REEP3: variants seen among roughly 807,000 people sequenced by gnomAD.
The protein encoded by REEP3 is receptor accessory protein 3.
In REEP3, 20 loss-of-function variants were observed where a neutral mutation model predicts 41.3. That is an observed-to-expected ratio of 0.48 (90% CI 0.34 to 0.70). The LOEUF (loss-of-function observed/expected upper bound fraction) is 0.70. Among genes scored for constraint, REEP3 ranks in the 30% least tolerant of loss-of-function variants. The probability of loss-of-function intolerance (pLI) is 0.01; values close to 1 mark genes in which losing one functional copy is unlikely to be tolerated. For synonymous variants in REEP3, 104 were observed against 101.8 expected (o/e 1.02, Z -0.13); for missense variants, 271 against 308.8 (o/e 0.88, Z 0.92).
intron 5 of REEP3, among the ~76,000 whole-genome samples, chr10:63,607,487 G>A (rs1342558233): frequency 6.6e-6 from 1 of 152,192 alleles, no homozygotes; most frequent in Non-Finnish European, 1.5e-5. Context: ...TTGGTAGGTG[G>A]TGTAGTCTAT....
chr10:63,549,877 T>C (rs1406135878), intron 1 of REEP3, among the ~76,000 whole-genome samples: 1 of 152,012 alleles, frequency 6.6e-6, no homozygotes, highest in African/African-American at 2.4e-5. Context: ...GAAGTTGAAA[T>C]ACAAGAGGCA....
intron 1 of REEP3, among the ~76,000 whole-genome samples, chr10:63,548,167 G>T (rs1283872761): frequency 6.6e-6 from 1 of 152,182 alleles, no homozygotes; most frequent in Non-Finnish European, 1.5e-5. Context: ...GCTCCAATGA[G>T]CAATCAGCAC....
chr10:63,613,647 T>TA (rs1272595857), intron 6 of REEP3, among the ~76,000 whole-genome samples: 7 of 152,164 alleles, frequency 4.6e-5, no homozygotes, highest in Non-Finnish European at 5.9e-5. Context: ...ATTGTCTAGA[T>TA]AGACACAAAC....
At chr10:63,617,580 T>G (rs117630403) in intron 6 of REEP3, among the ~76,000 whole-genome samples, 2,941 of 152,022 alleles carry the variant, frequency 0.019, 42 homozygotes, top group Non-Finnish European at 0.031. Context: ...TTGTATTTTT[T>G]GTAGAGAAAA....
At chr10:63,530,844 T>C (rs923100829) in intron 1 of REEP3, among the ~76,000 whole-genome samples, 3 of 152,240 alleles carry the variant, frequency 2.0e-5, no homozygotes, top group African/African-American at 7.2e-5. Context: ...GATCATTTCA[T>C]GGAAAAAGGT....
In REEP3 at chr10:63,566,367, A is replaced by G; in HGVS notation, c.62A>G (p.Tyr21Cys). The part of the protein sequence containing the change: ...VLVFGMLYPA[Y>C]YSYKAVKTKN... ...GTGTTTGGAATGCTTTATCCTGCAT[A>G]TTATTCATACAAAGCTGTGAAAACA... The change falls in exon 2 of 8, where the codon TAT becomes TGT. Residue 21 changes from tyrosine to cysteine, a missense_variant. Coordinates refer to ENST00000373758, the MANE Select transcript of REEP3 (RefSeq NM_001001330.3). The G allele has an allele frequency of 6.4e-7, 1 of 1,553,726 alleles. No individual in the cohort carries two copies. The highest frequency in any genetic ancestry group is 8.7e-7 in the Non-Finnish European group (1 of 1,145,632).
chr10:63,599,107 C>G, intron 4 of REEP3, 63 bp from the exon 5 acceptor site: 1 of 747,292 alleles, frequency 1.3e-6, no homozygotes, highest in Non-Finnish European at 2.3e-6. Flanking sequence ...GGAGAATGTT[C>G]TAGTTTGGGG....
intron 1 of REEP3, among the ~76,000 whole-genome samples, chr10:63,544,780 A>G (rs551063693): frequency 6.6e-6 from 1 of 152,196 alleles, no homozygotes; most frequent in African/African-American, 2.4e-5. Flanking sequence ...AGTATGGATA[A>G]TATGTAGTAA....
At chr10:63,615,138 A>G (rs867113624) in intron 6 of REEP3, among the ~76,000 whole-genome samples, 4 of 152,192 alleles carry the variant, frequency 2.6e-5, no homozygotes, top group Non-Finnish European at 4.4e-5. Flanking sequence ...TTTTAAATGT[A>G]TATACATAAG....
In REEP3 at chr10:63,521,563, C is replaced by A; in HGVS notation, c.18C>A (p.Ile6=). The change falls in exon 1 of 8, where the codon ATC becomes ATA. Residue 6 remains isoleucine (I), a synonymous_variant. Transcript: ENST00000373758. ...CCGTGAAGATGGTGTCCTGGATGAT[C>A]TCCAGAGCCGTGGTGTAAGTGCCTC... MVSWM[I]SRAVVLVFGM... The A allele has an allele frequency of 7.0e-7, 1 of 1,425,312 alleles. No homozygotes were observed. The highest frequency in any genetic ancestry group is 9.3e-7 in the Non-Finnish European group (1 of 1,077,084). The allele number at this position is 1,425,312 out of a possible 1,614,324, so 88.3% of individuals were successfully genotyped here. A position where few individuals can be genotyped will look rare whatever the true frequency, so the allele number is the denominator to read the frequency against.
chr10:63,584,802 G>C (rs888587202), intron 2 of REEP3, among the ~76,000 whole-genome samples: 6 of 152,148 alleles, frequency 3.9e-5, no homozygotes, highest in Admixed American at 2.0e-4. Context: ...TGACTTGAGT[G>C]GGTAACAAGT....
Position 63,621,562 on chromosome 10 carries a change from C to G in REEP3, c.*693C>G, listed in dbSNP as rs1956353741. The G allele has an allele frequency of 6.6e-6, 1 of 152,566 alleles. No individual in the cohort carries two copies. The highest frequency in any genetic ancestry group is 2.4e-5 in the African/African-American group (1 of 41,446). 9.5% of individuals were successfully genotyped at this position (152,566 alleles called of 1,614,324 possible). A position where few individuals can be genotyped will look rare whatever the true frequency, so the allele number is the denominator to read the frequency against. ...AAATCTATGCCTTGAATTATATCAT[C>G]TCTTTTCCTGTGGGTTTCATTTGTT... On this transcript the variant is annotated 3_prime_UTR_variant, in exon 8 of 8. Transcript: ENST00000373758.
intron 1 of REEP3, among the ~76,000 whole-genome samples, chr10:63,550,612 C>G (rs1381296042): frequency 6.6e-6 from 1 of 152,096 alleles, no homozygotes; most frequent in African/African-American, 2.4e-5. Context: ...GTTGGCACTT[C>G]TGGTAAGGTA....
chr10:63,544,399 G>A (rs561590321), intron 1 of REEP3, among the ~76,000 whole-genome samples: 4 of 152,324 alleles, frequency 2.6e-5, no homozygotes, highest in African/African-American at 9.6e-5. Context: ...AGAAAGGTCA[G>A]AATTAAGGCT....
intron 2 of REEP3, among the ~76,000 whole-genome samples, chr10:63,582,709 G>C (rs962092694): frequency 6.6e-6 from 1 of 152,036 alleles, no homozygotes; most frequent in South Asian, 2.1e-4. Flanking sequence ...CTCCGTCAGT[G>C]AAGTGTCCCT....
chr10:63,555,163 T>A (rs2133364775), intron 1 of REEP3, among the ~76,000 whole-genome samples: 1 of 152,322 alleles, frequency 6.6e-6, no homozygotes, highest in East Asian at 1.9e-4. Flanking sequence ...ACATAAAGTC[T>A]TTCAAAGGAA....
chr10:63,565,045 G>A (rs183591027), intron 1 of REEP3, among the ~76,000 whole-genome samples: 2 of 152,186 alleles, frequency 1.3e-5, no homozygotes, highest in Admixed American at 6.5e-5. Context: ...ATCACTTGAG[G>A]TAAGGAGTTT....
intron 2 of REEP3, among the ~76,000 whole-genome samples, chr10:63,582,753 G>C (rs1442021498): frequency 6.6e-6 from 1 of 151,486 alleles, no homozygotes; most frequent in African/African-American, 2.4e-5. Flanking sequence ...ATAGCTTTCT[G>C]CAGCCTCTGT....
chr10:63,603,175 T>C (rs554810393), intron 5 of REEP3, among the ~76,000 whole-genome samples: 1 of 151,264 alleles, frequency 6.6e-6, no homozygotes, highest in South Asian at 2.1e-4. Context: ...TAGGTGGGCG[T>C]GGTGGTGGGT....
Sources: allele counts gnomAD v4.1 joint callset (sites outside exome capture counted in the v4.1 genomes callset), GRCh38; gene constraint gnomAD v4.1.1; transcripts MANE v1.5; gene names NCBI Gene and HGNC (gene_info 2026-07-23, HGNC 2026-07-21).